The following HDAC6 variants were observed in gnomAD, a reference collection of about 807,000 sequenced individuals.
The protein encoded by HDAC6 is histone deacetylase 6.
In HDAC6, 5 loss-of-function variants were observed where a neutral mutation model predicts 88.9. The ratio of observed to expected loss-of-function variants is 0.06; its 90% confidence interval spans 0.03 to 0.12. The LOEUF (loss-of-function observed/expected upper bound fraction) is 0.12, where lower values mean the gene tolerates loss of function less well. HDAC6 is among the 10% of genes least tolerant of loss of function. The pLI is 1.00. For synonymous variants in HDAC6, 378 were observed against 398.0 expected, an observed-to-expected ratio of 0.95 and a Z score of 0.60; for missense variants, 706 against 1,014.4, an observed-to-expected ratio of 0.70 and a Z score of 4.13.
At chrX:48,806,016 A>C in intron 6 of HDAC6, 1 of 368,826 alleles carries the variant, frequency 2.7e-6, no homozygotes, top group Non-Finnish European at 4.7e-6. Context: ...GCCTAGTGCT[A>C]TGTGGCTTGA....
chrX:48,810,331 C>T (rs1210687927), intron 10 of HDAC6, among the ~76,000 whole-genome samples: 2 of 110,908 alleles, frequency 1.8e-5, no homozygotes, highest in Non-Finnish European at 3.8e-5. Flanking sequence ...CCACTGCAGC[C>T]TCTCAAAGCA....
At chrX:48,814,281 C>T (rs1420164808) in intron 10 of HDAC6, 159 bp from the exon 11 acceptor site, 1 of 515,914 alleles carries the variant, frequency 1.9e-6, no homozygotes, top group Non-Finnish European at 3.2e-6. Flanking sequence ...AGAATGGATT[C>T]ATGGATTAAA....
In HDAC6 at chrX:48,815,617, C is replaced by T. The variant is rs1557027318; in HGVS notation, c.1299C>T (p.Pro433=). 4 of 1,210,933 alleles carry T rather than the reference C, an allele frequency of 3.3e-6. No homozygotes were observed. ...SVSCALEALE[P]FWEVLVRSTE... ...CCTGTGCTCTGGAAGCCCTTGAGCCCTTCTGGGAGGTTCTTGTGAGATCAA... is the reference window on the plus strand; with the variant it reads ...CCTGTGCTCTGGAAGCCCTTGAGCCTTTCTGGGAGGTTCTTGTGAGATCAA... The change falls in exon 16 of 29, where the codon CCC becomes CCT. Residue 433 remains proline, a synonymous_variant. Coordinates refer to ENST00000334136, the MANE Select transcript of HDAC6 (RefSeq NM_006044.4).
intron 10 of HDAC6, chrX:48,813,895 C>G (rs2062940248): frequency 8.8e-6 from 1 of 113,498 alleles, no homozygotes; most frequent in African/African-American, 3.3e-5. Flanking sequence ...AGAGAATCAC[C>G]CAGCTCCCCA....
At chrX:48,822,071 G>A (rs2063093093) in intron 23 of HDAC6, among the ~76,000 whole-genome samples, 2 of 111,674 alleles carry the variant, frequency 1.8e-5, no homozygotes, top group South Asian at 7.4e-4. Context: ...TGGGATTCCT[G>A]TAGAGTGTAA....
chrX:48,809,027 T>G (rs1557025261), intron 10 of HDAC6, among the ~76,000 whole-genome samples: 1 of 112,574 alleles, frequency 8.9e-6, no homozygotes, highest in Non-Finnish European at 1.9e-5. Flanking sequence ...AGTATCTCGT[T>G]CTTTGTAGTA....
At position 48,803,228 on chromosome X, in the gene HDAC6, T is replaced by G; in HGVS notation, c.311+12T>G. 8.6e-7 allele frequency: 1 copy of G among 1,164,553 alleles called. No individual in the cohort carries two copies. Among genetic ancestry groups the G allele is most frequent in the Non-Finnish European group, 1.2e-6 (1 of 854,324 alleles). ...CTCTGGGATGACAGGTGAGGCTGGG[T>G]CCTCCAGGCTGTCTCCAAACCACAA... is the stretch of plus-strand genomic sequence containing the variant. On this transcript the variant is annotated intron_variant, in intron 4 of 28. Coordinates refer to ENST00000334136, the MANE Select transcript of HDAC6 (RefSeq NM_006044.4).
chrX:48,824,798 G>T lies in HDAC6; in HGVS notation c.*186G>T. On this transcript the variant is annotated 3_prime_UTR_variant, in exon 29 of 29. Coordinates refer to ENST00000334136, the MANE Select transcript of HDAC6 (RefSeq NM_006044.4). Reference sequence around the variant, plus strand: ...AAGAGAACTGCGACGATTAATTGTGGATCTCCCCCTGCCCATTGCCTGCTT... The same window carrying T: ...AAGAGAACTGCGACGATTAATTGTGTATCTCCCCCTGCCCATTGCCTGCTT... The T allele has an allele frequency of 9.1e-7, 1 of 1,101,529 alleles. No homozygotes were observed. The allele number at this position is 1,101,529 out of a possible 1,213,427, so 90.8% of individuals were successfully genotyped here.
Position 48,820,238 on chromosome X carries a change from A to G in HDAC6, c.2320A>G (p.Ile774Val). The change falls in exon 23 of 29, where the codon ATT (isoleucine) becomes GTT (valine). Residue 774 changes from isoleucine to valine, a missense_variant. Ile to Val is a conservative substitution (Grantham distance 29). Around this residue, in one of 9 missense-constraint regions of HDAC6, gnomAD observed 138 missense variants for 303.5 expected, o/e 0.45. Transcript: ENST00000334136. ...GCTGATGGGCCTTGCCAGTGGCCGC[A>G]TTATCCTTATCCTAGAGGTAACTTT... The part of the protein sequence containing the change: ...HLLMGLASGR[I>V]ILILEGGYNL... 1 of 1,193,754 alleles carries G rather than the reference A, an allele frequency of 8.4e-7. No individual in the cohort carries two copies. Among genetic ancestry groups the G allele is most frequent in the Non-Finnish European group, 1.1e-6 (1 of 886,321 alleles).
rs781833780 is a variant in HDAC6 at position 48,823,512 on chromosome X, A to G, written c.3113A>G (p.Gln1038Arg). 3.1e-5 allele frequency: 37 copies of G among 1,208,348 alleles called. No homozygotes were observed. The East Asian group carries it at 8.6e-4, about 28-fold the overall frequency. Residue 1038 changes from glutamine to arginine, a missense_variant, in exon 25 of 29, where the codon CAG becomes CGG. By Grantham distance (43) the Gln-to-Arg change is conservative. This residue lies in a region of HDAC6 where 112 missense variants were observed against 95.1 expected (regional missense o/e 1.18). Coordinates refer to ENST00000334136, the MANE Select transcript of HDAC6 (RefSeq NM_006044.4). ...DHQTPPTSPV[Q>R]GTTPQISPST... ...CAGACCCCCCCAACCTCACCTGTGC[A>G]GGGAACTACACCCCAGATATCTCCC...
At position 48,814,037 on chromosome X, in the gene HDAC6, G is replaced by T. The variant is rs781792967; in HGVS notation, c.807-403G>T. The T allele has an allele frequency of 4.2e-5, 6 of 142,880 alleles. No homozygotes were observed. In the South Asian group the frequency reaches 1.0e-3, roughly 25 times the overall value. 11.8% of individuals were successfully genotyped at this position (142,880 alleles called of 1,213,427 possible). A position where few individuals can be genotyped will look rare whatever the true frequency, so the allele number is the denominator to read the frequency against. On this transcript the variant is annotated intron_variant, in intron 10 of 28. Coordinates refer to ENST00000334136, the MANE Select transcript of HDAC6 (RefSeq NM_006044.4). ...CCTTTGTCATAGGGGCAGGTAGTGG[G>T]CGGACATGATCTAGAGTACCCCACA...
chrX:48,804,968 G>A (rs1360171497), intron 4 of HDAC6, among the ~76,000 whole-genome samples: 2 of 110,772 alleles, frequency 1.8e-5, no homozygotes, highest in African/African-American at 6.6e-5. Context: ...AGAGTATTTG[G>A]TTCAACTGAG....
upstream of HDAC6, chrX:48,801,563 G>C: frequency 4.9e-6 from 1 of 205,210 alleles, no homozygotes; most frequent in Admixed American, 7.1e-5. Flanking sequence ...AGCGACGATA[G>C]CCGAGGCAAG....
At chrX:48,815,686 G>A in intron 16 of HDAC6, 44 bp downstream of exon 16, 2 of 1,124,880 alleles carry the variant, frequency 1.8e-6, no homozygotes, top group South Asian at 3.6e-5. Context: ...GACGTGGGAT[G>A]AGCCCTGGGG....
In HDAC6 at chrX:48,815,614, G is replaced by A; in HGVS notation, c.1296G>A (p.Glu432=). 2 of 1,211,020 alleles carry A rather than the reference G, an allele frequency of 1.7e-6. No homozygotes were observed. The highest frequency in any genetic ancestry group is 2.2e-6 in the Non-Finnish European group (2 of 894,929). ...ASVSCALEAL[E]PFWEVLVRST... ...TTTCCTGTGCTCTGGAAGCCCTTGAGCCCTTCTGGGAGGTTCTTGTGAGAT... is the reference window on the plus strand; with the variant it reads ...TTTCCTGTGCTCTGGAAGCCCTTGAACCCTTCTGGGAGGTTCTTGTGAGAT... The change falls in exon 16 of 29, where the codon GAG becomes GAA. Residue 432 remains glutamate, a synonymous_variant. Transcript: ENST00000334136.
chrX:48,823,391 G>A lies in HDAC6; in HGVS notation c.2992G>A (p.Ala998Thr). ...ATLAQTTSEA[A>T]MEGATLDQTT... ...ACTGGCCCAGACCACCTCGGAGGCA[G>A]CCATGGAGGGAGCCACACTGGACCA... Residue 998 changes from alanine to threonine, a missense_variant, in exon 25 of 29, where the codon GCC becomes ACC. By Grantham distance (58) the Ala-to-Thr change is moderately conservative. Around this residue, in one of 9 missense-constraint regions of HDAC6, gnomAD observed 13 missense variants for 33.4 expected, o/e 0.39. Coordinates refer to ENST00000334136, the MANE Select transcript of HDAC6 (RefSeq NM_006044.4). 1 of 1,209,919 alleles carries A rather than the reference G, an allele frequency of 8.3e-7. No individual in the cohort carries two copies. The highest frequency in any genetic ancestry group is 1.8e-5 in the South Asian group (1 of 56,582).
intron 10 of HDAC6, 60 bp downstream of exon 10, chrX:48,808,386 C>G: frequency 1.2e-6 from 1 of 856,792 alleles, no homozygotes; most frequent in Non-Finnish European, 1.7e-6. Flanking sequence ...CTTACAGGCC[C>G]AGCCAGAAGG....
chrX:48,813,623 G>A (rs2062935112), intron 10 of HDAC6: 1 of 112,102 alleles, frequency 8.9e-6, no homozygotes, highest in Non-Finnish European at 1.9e-5. Context: ...GCCCTCCCAT[G>A]GCCCCTTGCT....
At chrX:48,819,059 G>A (rs1557028753) in intron 22 of HDAC6, among the ~76,000 whole-genome samples, 1 of 112,380 alleles carries the variant, frequency 8.9e-6, no homozygotes, top group Non-Finnish European at 1.9e-5. Flanking sequence ...GTGCATCTTT[G>A]GATCTGCATG....
Sources: gnomAD v4.1 joint callset for allele counts (sites outside exome capture counted in the v4.1 genomes callset) on GRCh38, gnomAD v4.1.1 for gene constraint, gnomAD v4.1.1 regional missense constraint, MANE v1.5 for transcripts, NCBI Gene and HGNC (gene_info 2026-07-23, HGNC 2026-07-21) for gene names.